Variants in AGBL1 observed in about 807,000 individuals in gnomAD.
The protein encoded by AGBL1 is cytosolic carboxypeptidase 4.
Under a neutral mutation model 118.9 loss-of-function variants are expected in AGBL1, and 130 were observed. The observed-to-expected ratio is 1.09, with a 90% CI of 0.95 to 1.26. The LOEUF is 1.26. Among genes scored for constraint, AGBL1 ranks in the 50% most tolerant of loss-of-function variants. The probability of loss-of-function intolerance (pLI) is 0.00; values close to 1 mark genes in which losing one functional copy is unlikely to be tolerated. For missense variants in AGBL1, 1,584 were observed against 1,298.1 expected (o/e 1.22, Z -3.38); for synonymous variants, 555 against 478.9 (o/e 1.16, Z -2.08).
chr15:86,236,942 C>CGGGGGGGGG (rs1261702473), intron 6 of AGBL1, among the ~76,000 whole-genome samples: 1 of 43,024 alleles, frequency 2.3e-5, no homozygotes, highest in African/African-American at 2.1e-4. Flanking sequence ...CGGGGGGGGG[C>CGGGGGGGGG]GGGGGGGGGC....
intron 1 of AGBL1, among the ~76,000 whole-genome samples, chr15:86,121,592 G>A (rs1177492898): frequency 1.3e-5 from 2 of 152,122 alleles, no homozygotes; most frequent in Non-Finnish European, 2.9e-5. Flanking sequence ...TCATGTACTC[G>A]ACAATAGTCA....
intron 22 of AGBL1, among the ~76,000 whole-genome samples, chr15:86,723,454 A>G (rs1392409319): frequency 1.3e-5 from 2 of 152,190 alleles, no homozygotes; most frequent in Non-Finnish European, 2.9e-5. Context: ...GAATTGAACA[A>G]TGAGAACACA....
At chr15:86,705,415 T>C (rs532380240) in intron 22 of AGBL1, among the ~76,000 whole-genome samples, 14 of 152,284 alleles carry the variant, frequency 9.2e-5, no homozygotes, top group Admixed American at 3.3e-4. Context: ...TTTCCTCACT[T>C]GGACAAGCAT....
intron 22 of AGBL1, among the ~76,000 whole-genome samples, chr15:86,823,218 TG>T (rs59858096): frequency 0.098 from 14,880 of 152,170 alleles, 775 homozygotes; most frequent in South Asian, 0.14. Context: ...GTAATGGAGC[TG>T]CTAATGGAAC....
In AGBL1 at chr15:86,554,495, C is replaced by T. The variant is rs769552326; in HGVS notation, c.2952C>T (p.Thr984=). 1.9e-6 allele frequency: 3 copies of T among 1,571,436 alleles called. No homozygotes were observed. The highest frequency in any genetic ancestry group is 2.3e-5 in the East Asian group (1 of 42,990). Residue 984 remains threonine (T), a synonymous_variant, in exon 21 of 23, where the codon ACC becomes ACT. Coordinates refer to ENST00000614907, the MANE Select transcript of AGBL1 (RefSeq NM_001386094.1). ...WREMGVSRSY[T]MESSYCGCNQ... ...AGATGGGGGTGTCCAGAAGCTACACCATGGAAAGCAGCTACTGTGGCTGCA... is the reference window on the plus strand; with the variant it reads ...AGATGGGGGTGTCCAGAAGCTACACTATGGAAAGCAGCTACTGTGGCTGCA...
At chr15:86,853,873 A>C (rs575692023) in intron 22 of AGBL1, among the ~76,000 whole-genome samples, 1 of 152,176 alleles carries the variant, frequency 6.6e-6, no homozygotes, top group African/African-American at 2.4e-5. Context: ...CCTTAACCTT[A>C]CTGGGTCTCC....
intron 23 of AGBL1, among the ~76,000 whole-genome samples, chr15:86,978,422 A>T (rs984565541): frequency 6.6e-6 from 1 of 152,232 alleles, no homozygotes; most frequent in Non-Finnish European, 1.5e-5. Flanking sequence ...TTAGCAACGA[A>T]GATTTAGACA....
At chr15:86,295,232 T>C in intron 16 of AGBL1, 23 bp from the exon 17 acceptor site, 3 of 1,611,856 alleles carry the variant, frequency 1.9e-6, no homozygotes, top group African/African-American at 1.3e-5. Flanking sequence ...ATAATATACA[T>C]GCCTGCTTTA....
chr15:86,303,157 A>T (rs1420871325), intron 17 of AGBL1, among the ~76,000 whole-genome samples: 1 of 152,330 alleles, frequency 6.6e-6, no homozygotes. Flanking sequence ...GGAAAAGACG[A>T]TTAAACACTT....
intron 22 of AGBL1, among the ~76,000 whole-genome samples, chr15:86,777,635 A>G (rs1186373393): frequency 1.3e-5 from 2 of 152,148 alleles, no homozygotes; most frequent in Non-Finnish European, 1.5e-5. Context: ...TTTATTTATA[A>G]CATTTCTTTT....
At position 86,773,783 on chromosome 15, in the gene AGBL1, A is replaced by T. The variant is rs1415803476; in HGVS notation, c.3158+99347A>T. ...CACTAGTTGGCTCTGTATCCACTGAAAAAGAAAAAAGCAGAGCAGCTAGGT... is the reference window on the plus strand; with the variant it reads ...CACTAGTTGGCTCTGTATCCACTGATAAAGAAAAAAGCAGAGCAGCTAGGT... On this transcript the variant is annotated intron_variant, in intron 22 of 22. Transcript: ENST00000614907. 2.6e-5 allele frequency among the ~76,000 whole-genome samples: 4 copies of T among 151,944 alleles called. No homozygotes were observed. In the East Asian group the frequency reaches 5.8e-4, roughly 22 times the overall value.
intron 23 of AGBL1, among the ~76,000 whole-genome samples, chr15:86,930,195 A>G (rs562729158): frequency 6.6e-6 from 1 of 152,300 alleles, no homozygotes; most frequent in East Asian, 1.9e-4. Context: ...TAGGAGACCT[A>G]TATCCTTGTT....
rs2079040555 is a variant in AGBL1, at chr15:86,264,458, C to T, written c.1287C>T (p.Gly429=). Residue 429 remains glycine (G), a synonymous_variant, in exon 11 of 23, where the codon GGC becomes GGT. Transcript: ENST00000614907. ...CGGGAAGGTCCACTGTGCATCTAGG[C>T]TCCAAAAAAAATCCTGGAGTGAACC... The part of the protein sequence containing the change: ...VKTGRSTVHL[G]SKKNPGVNLY... 6.2e-7 allele frequency: 1 copy of T among 1,613,884 alleles called. No individual in the cohort carries two copies.
In AGBL1 at chr15:86,214,387, G is replaced by A. The variant is rs902955723; in HGVS notation, c.489-10527G>A. Among the ~76,000 whole-genome samples, 37 of 152,142 alleles carry A rather than the reference G, an allele frequency of 2.4e-4. 1 individual carries two copies. The highest frequency in any genetic ancestry group is 2.0e-4 in the Admixed American group (3 of 15,274). Reference sequence around the variant, plus strand: ...ATTGTAGTCAAATAGCAAACATTCTGTAGAATTCTATTTTGCATATATATG... The same window carrying A: ...ATTGTAGTCAAATAGCAAACATTCTATAGAATTCTATTTTGCATATATATG... On this transcript the variant is annotated intron_variant, in intron 5 of 22. Transcript: ENST00000614907.
chr15:86,155,609 T>G (rs981059521), intron 4 of AGBL1, among the ~76,000 whole-genome samples: 6 of 152,242 alleles, frequency 3.9e-5, no homozygotes, highest in Non-Finnish European at 7.3e-5. Context: ...GTAATGAGCA[T>G]AGACTTTCAT....
At chr15:86,165,128 G>T (rs775985632) in intron 5 of AGBL1, among the ~76,000 whole-genome samples, 1 of 152,108 alleles carries the variant, frequency 6.6e-6, no homozygotes, top group Non-Finnish European at 1.5e-5. Flanking sequence ...GGATATGTTT[G>T]GTCTTCAAGC....
chr15:86,715,553 G>A (rs1342233687), intron 22 of AGBL1, among the ~76,000 whole-genome samples: 1 of 152,124 alleles, frequency 6.6e-6, no homozygotes, highest in African/African-American at 2.4e-5. Flanking sequence ...ACTGATTGAT[G>A]TGGAATTGAT....
intron 22 of AGBL1, among the ~76,000 whole-genome samples, chr15:86,771,204 T>C (rs1567166193): frequency 6.6e-6 from 1 of 152,060 alleles, no homozygotes; most frequent in Non-Finnish European, 1.5e-5. Flanking sequence ...GATTTCAGGG[T>C]TTATCTCTTA....
At position 86,866,119 on chromosome 15, in the gene AGBL1, A is replaced by G. The variant is rs921397551; in HGVS notation, c.3159-40968A>G. Among the ~76,000 whole-genome samples the G allele has an allele frequency of 4.6e-5, 7 of 152,044 alleles. No homozygotes were observed. The East Asian group carries it at 5.8e-4, about 13-fold the overall frequency. On this transcript the variant is annotated intron_variant, in intron 22 of 22. Coordinates refer to ENST00000614907, the MANE Select transcript of AGBL1 (RefSeq NM_001386094.1). ...CTCCCTTCTAAATTCTCAAACCACA[A>G]TTTCCTTTCATCATAACTCTGAATA...
Sources: allele counts gnomAD v4.1 joint callset (sites outside exome capture counted in the v4.1 genomes callset), GRCh38; gene constraint gnomAD v4.1.1; transcripts MANE v1.5; gene names NCBI Gene and HGNC (gene_info 2026-07-23, HGNC 2026-07-21).